Variants in MARVELD2 observed in about 807,000 individuals in gnomAD.
The protein encoded by MARVELD2 is MARVEL domain containing 2.
A neutral mutation model predicts 57.6 loss-of-function variants in MARVELD2; 49 were observed. That is an observed-to-expected ratio of 0.85 (90% CI 0.68 to 1.08). The LOEUF is 1.08. Ranked by LOEUF, MARVELD2 falls within the 50% of genes least tolerant of loss-of-function variation. The pLI, the probability that MARVELD2 is intolerant of heterozygous loss-of-function variation, is 0.00. For synonymous variants in MARVELD2, 238 were observed against 258.8 expected (o/e 0.92, Z 0.77); for missense variants, 606 against 701.1 (o/e 0.86, Z 1.53).
At chr5:69,426,980 G>T (rs1766812364) in intron 3 of MARVELD2, among the ~76,000 whole-genome samples, 1 of 152,090 alleles carries the variant, frequency 6.6e-6, no homozygotes, top group Non-Finnish European at 1.5e-5. Flanking sequence ...TCAGAATCAG[G>T]CAATCTAAAT....
Position 69,415,872 on chromosome 5 carries a change from A to C in MARVELD2, c.-16+702A>C, listed in dbSNP as rs572288488. 3 of 152,374 alleles carry C rather than the reference A, an allele frequency of 2.0e-5. No individual in the cohort carries two copies. The South Asian group carries it at 6.2e-4, about 32-fold the overall frequency. The allele number at this position is 152,374 out of a possible 1,614,324, so 9.4% of individuals were successfully genotyped here. Reference sequence around the variant, plus strand: ...AGGGTCCGGGGCCTGAGCAGGACAAAGACACACGCTGCCGCGACCTGCGGG... The same window carrying C: ...AGGGTCCGGGGCCTGAGCAGGACAACGACACACGCTGCCGCGACCTGCGGG... On this transcript the variant is annotated intron_variant, in intron 1 of 6. Transcript: ENST00000325631.
intron 3 of MARVELD2, among the ~76,000 whole-genome samples, chr5:69,425,854 G>A (rs1177328090): frequency 6.6e-6 from 1 of 150,896 alleles, no homozygotes; most frequent in African/African-American, 2.4e-5. Context: ...TCAGCCTCCC[G>A]AGTAGCTGGG....
In MARVELD2 at chr5:69,432,655, C is replaced by G; in HGVS notation, c.1311C>G (p.Ile437Met). Residue 437 changes from isoleucine (I) to methionine (M), a missense_variant, in exon 4 of 7, where the codon ATC (isoleucine) becomes ATG (methionine). Coordinates refer to ENST00000325631, the MANE Select transcript of MARVELD2 (RefSeq NM_001038603.3). Reference protein sequence around the residue: ...HIPPGHIPKPIVMPDYVAKYP... With the variant: ...HIPPGHIPKPMVMPDYVAKYP... ...CCCCAGGCCACATTCCTAAACCTAT[C>G]GTGATGCCCGACTATGTGGCGTGAG... The G allele has an allele frequency of 6.2e-7, 1 of 1,614,084 alleles. No individual in the cohort carries two copies.
At chr5:69,434,071 T>C (rs941141857) in intron 5 of MARVELD2, among the ~76,000 whole-genome samples, 14 of 152,038 alleles carry the variant, frequency 9.2e-5, no homozygotes, top group African/African-American at 2.9e-4. Context: ...AGAAAGGGAA[T>C]GTAGGGAAGC....
In MARVELD2 at chr5:69,419,473, A is replaced by C. The variant is rs1420158079; in HGVS notation, c.88A>C (p.Thr30Pro). ...DLPYQDTTIR[T>P]HPTLHDSERA... ...GCCCTATCAAGATACCACCATAAGA[A>C]CCCACCCAACTCTTCATGACAGTGA... Residue 30 changes from threonine (T) to proline (P), a missense_variant, in exon 2 of 7, where the codon ACC (threonine) becomes CCC (proline). Coordinates refer to ENST00000325631, the MANE Select transcript of MARVELD2 (RefSeq NM_001038603.3). The C allele has an allele frequency of 1.9e-6, 3 of 1,613,992 alleles. No individual in the cohort carries two copies. The highest frequency in any genetic ancestry group is 2.2e-5 in the South Asian group (2 of 91,072).
chr5:69,443,463 G>A lies in MARVELD2; in HGVS notation c.*1809G>A, dbSNP rs1433690007. On this transcript the variant is annotated 3_prime_UTR_variant, in exon 7 of 7. Transcript: ENST00000325631. The stretch of plus-strand genomic sequence containing the variant: ...GATCTACCAGCCTCGGCCTTCTGAA[G>A]TGCTGGGATTCAGGTGTGAGCCACT... 1.3e-5 allele frequency: 2 copies of A among 152,316 alleles called. No homozygotes were observed. The highest frequency in any genetic ancestry group is 3.9e-4 in the East Asian group (2 of 5,192). The allele number at this position is 152,316 out of a possible 1,614,324, so 9.4% of individuals were successfully genotyped here.
chr5:69,432,728 G>T (rs1230758116), intron 4 of MARVELD2, 53 bp downstream of exon 4: 4 of 1,612,330 alleles, frequency 2.5e-6, no homozygotes, highest in East Asian at 2.2e-5. Context: ...GGCCCCATTT[G>T]GTCCTTTCAT....
Position 69,441,591 on chromosome 5 carries a change from C to T in MARVELD2, c.1614C>T (p.His538=). Residue 538 remains histidine (H), a synonymous_variant, in exon 7 of 7, where the codon CAC becomes CAT. Coordinates refer to ENST00000325631, the MANE Select transcript of MARVELD2 (RefSeq NM_001038603.3). ...RCDYLKNKLS[H]IKQRIQEYDK... is the part of the protein sequence containing the mutation. ...ATTACCTAAAGAATAAACTTTCTCACATAAAGCAAAGAATTCAAGAATATG... is the reference window on the plus strand; with the variant it reads ...ATTACCTAAAGAATAAACTTTCTCATATAAAGCAAAGAATTCAAGAATATG... The T allele has an allele frequency of 6.2e-7, 1 of 1,600,932 alleles. No individual in the cohort carries two copies.
At chr5:69,436,763 C>T (rs974063921) in intron 5 of MARVELD2, among the ~76,000 whole-genome samples, 3 of 152,084 alleles carry the variant, frequency 2.0e-5, no homozygotes, top group East Asian at 3.9e-4. Context: ...AGGCATGAGG[C>T]CCCAGGAATC....
intron 3 of MARVELD2, among the ~76,000 whole-genome samples, chr5:69,424,994 C>A (rs1031789709): frequency 2.0e-5 from 3 of 150,408 alleles, no homozygotes; most frequent in African/African-American, 7.3e-5. Context: ...CACTGCACTC[C>A]AGCCTGGGTG....
intron 1 of MARVELD2, among the ~76,000 whole-genome samples, chr5:69,417,789 A>G (rs1766475269): frequency 6.6e-6 from 1 of 152,092 alleles, no homozygotes; most frequent in Non-Finnish European, 1.5e-5. Context: ...AATACAAAAA[A>G]TTAGCCGGGC....
At chr5:69,424,370 C>T (rs548243883) in intron 2 of MARVELD2, among the ~76,000 whole-genome samples, 1 of 152,100 alleles carries the variant, frequency 6.6e-6, no homozygotes, top group East Asian at 1.9e-4. Flanking sequence ...CCACCATCTC[C>T]GTATTCCCTA....
chr5:69,430,850 T>C lies in MARVELD2; in HGVS notation c.1183-1677T>C, dbSNP rs138220673. On this transcript the variant is annotated intron_variant, in intron 3 of 6. Transcript: ENST00000325631. ...TGCCTGGCCCAGTTCTGGGTTTTAA[T>C]TGTGGCTTTTCTACTTAATAGTTAT... is the stretch of plus-strand genomic sequence containing the variant. Among the ~76,000 whole-genome samples, 53 of 152,004 alleles carry C rather than the reference T, an allele frequency of 3.5e-4. No individual in the cohort carries two copies. In the East Asian group the frequency reaches 0.01, roughly 30 times the overall value.
At chr5:69,423,893 A>G (rs1766704846) in intron 2 of MARVELD2, among the ~76,000 whole-genome samples, 1 of 152,156 alleles carries the variant, frequency 6.6e-6, no homozygotes, top group South Asian at 2.1e-4. Flanking sequence ...TAACCTTCAC[A>G]TGTATTAAAT....
chr5:69,422,005 A>G (rs973892371), intron 2 of MARVELD2, among the ~76,000 whole-genome samples: 1 of 152,060 alleles, frequency 6.6e-6, no homozygotes, highest in Non-Finnish European at 1.5e-5. Context: ...CTGAACATAA[A>G]TTGTGAAGAT....
intron 1 of MARVELD2, among the ~76,000 whole-genome samples, chr5:69,416,029 T>C (rs539573449): frequency 6.6e-6 from 1 of 152,372 alleles, no homozygotes; most frequent in Non-Finnish European, 1.5e-5. Context: ...CTTTAATAAT[T>C]GCTTGTTTTT....
chr5:69,419,678 A>G lies in MARVELD2; in HGVS notation c.293A>G (p.Glu98Gly). The G allele has an allele frequency of 1.9e-6, 3 of 1,614,176 alleles. No homozygotes were observed. The highest frequency in any genetic ancestry group is 2.5e-6 in the Non-Finnish European group (3 of 1,180,038). ...NFFRGKKKDP[E>G]WDKPVSDIRY... ...TTCAGAGGGAAGAAAAAGGACCCCG[A>G]ATGGGATAAGCCGGTGTCTGATATC... is the stretch of plus-strand genomic sequence containing the variant. Residue 98 changes from glutamate (E) to glycine (G), a missense_variant, in exon 2 of 7, where the codon GAA becomes GGA. By Grantham distance (98) the Glu-to-Gly change is moderately conservative (BLOSUM62 -2). Coordinates refer to ENST00000325631, the MANE Select transcript of MARVELD2 (RefSeq NM_001038603.3).
chr5:69,432,655 C>T lies in MARVELD2; in HGVS notation c.1311C>T (p.Ile437=), dbSNP rs770148046. ...HIPPGHIPKP[I]VMPDYVAKYP... ...CCCCAGGCCACATTCCTAAACCTAT[C>T]GTGATGCCCGACTATGTGGCGTGAG... is the stretch of plus-strand genomic sequence containing the variant. The change falls in exon 4 of 7, where the codon ATC becomes ATT. Residue 437 remains isoleucine (I), a synonymous_variant. Coordinates refer to ENST00000325631, the MANE Select transcript of MARVELD2 (RefSeq NM_001038603.3). 4.3e-6 allele frequency: 7 copies of T among 1,614,084 alleles called. No homozygotes were observed. In the Admixed American group the frequency reaches 5.0e-5, roughly 12 times the overall value.
intron 1 of MARVELD2, among the ~76,000 whole-genome samples, chr5:69,416,433 G>T (rs774678319): frequency 1.3e-5 from 2 of 152,206 alleles, no homozygotes; most frequent in Admixed American, 6.5e-5. Flanking sequence ...TCTCCAGTCT[G>T]TACATACCCT....
Sources: gnomAD v4.1 joint callset for allele counts (sites outside exome capture counted in the v4.1 genomes callset) on GRCh38, gnomAD v4.1.1 for gene constraint, MANE v1.5 for transcripts, NCBI Gene and HGNC (gene_info 2026-07-23, HGNC 2026-07-21) for gene names.